PCDH15: variants seen among roughly 807,000 people sequenced by gnomAD.
The protein encoded by PCDH15 is protocadherin related 15.
A neutral mutation model predicts 178.5 loss-of-function variants in PCDH15; 129 were observed. That is an observed-to-expected ratio of 0.72 (90% CI 0.63 to 0.84). PCDH15 has a LOEUF of 0.84. PCDH15 is among the 40% of genes least tolerant of loss of function. The pLI is 0.00. For missense variants in PCDH15, 2,230 were observed against 2,099.9 expected (o/e 1.06, Z -1.21); for synonymous variants, 800 against 732.0 (o/e 1.09, Z -1.50).
intron 3 of PCDH15, among the ~76,000 whole-genome samples, chr10:54,394,333 C>T (rs1950929556): frequency 6.6e-6 from 1 of 152,044 alleles, no homozygotes; most frequent in African/African-American, 2.4e-5. Flanking sequence ...TCTGTTTTTC[C>T]TAAGCATCTG....
intron 21 of PCDH15, among the ~76,000 whole-genome samples, chr10:53,990,514 A>G (rs375686058): frequency 1.4e-5 from 2 of 146,616 alleles, no homozygotes; most frequent in Admixed American, 1.4e-4. Flanking sequence ...TATATGTTAT[A>G]TATATATATG....
chr10:54,818,371 C>T (rs1952981108), intron 3 of PCDH15, among the ~76,000 whole-genome samples: 1 of 152,072 alleles, frequency 6.6e-6, no homozygotes, highest in South Asian at 2.1e-4. Flanking sequence ...GTCCCCCTCA[C>T]AAATGTTCTT....
intron 2 of PCDH15, among the ~76,000 whole-genome samples, chr10:55,326,161 A>G (rs541709942): frequency 6.6e-6 from 1 of 152,262 alleles, no homozygotes; most frequent in South Asian, 2.1e-4. Context: ...CAGCCTTTAC[A>G]GAAATCAGTT....
chr10:54,638,533 C>A (rs2093914872), intron 2 of PCDH15, among the ~76,000 whole-genome samples: 1 of 151,960 alleles, frequency 6.6e-6, no homozygotes, highest in Non-Finnish European at 1.5e-5. Context: ...CAGATAAAAA[C>A]AATTTTAAAA....
At chr10:54,434,666 A>T (rs113063223) in intron 3 of PCDH15, among the ~76,000 whole-genome samples, 30 of 152,312 alleles carry the variant, frequency 2.0e-4, no homozygotes, top group African/African-American at 7.2e-4. Context: ...CATTTCTTAG[A>T]AACTATGCCT....
At chr10:54,600,165 C>T (rs1209592679) in intron 2 of PCDH15, 9 of 686,424 alleles carry the variant, frequency 1.3e-5, no homozygotes, top group Non-Finnish European at 2.1e-5. Flanking sequence ...AGGAGGAAGC[C>T]ATGGAGGAGG....
intron 2 of PCDH15, among the ~76,000 whole-genome samples, chr10:54,626,206 T>G (rs1245051944): frequency 1.3e-5 from 2 of 152,074 alleles, no homozygotes; most frequent in Non-Finnish European, 2.9e-5. Context: ...ATTCAGAAAT[T>G]TTGCAGCCTA....
intron 2 of PCDH15, among the ~76,000 whole-genome samples, chr10:54,905,019 A>C (rs552573285): frequency 2.0e-5 from 3 of 152,040 alleles, no homozygotes; most frequent in African/African-American, 4.8e-5. Flanking sequence ...ACACAACTAC[A>C]CTATGAAGCA....
At chr10:55,139,100 T>C (rs1235954253) in intron 2 of PCDH15, among the ~76,000 whole-genome samples, 2 of 152,068 alleles carry the variant, frequency 1.3e-5, no homozygotes, top group Non-Finnish European at 2.9e-5. Context: ...TTCAAGTTCT[T>C]ATCTGCCATA....
intron 1 of PCDH15, among the ~76,000 whole-genome samples, chr10:55,197,326 G>A (rs1326316488): frequency 6.6e-6 from 1 of 151,998 alleles, no homozygotes; most frequent in Non-Finnish European, 1.5e-5. Context: ...TCAATAAACA[G>A]CATCTTTTTG....
chr10:54,431,525 T>C (rs1956969339), intron 3 of PCDH15, among the ~76,000 whole-genome samples: 1 of 152,212 alleles, frequency 6.6e-6, no homozygotes, highest in Admixed American at 6.5e-5. Context: ...ATTCCATTGA[T>C]GTTGTAAAAG....
At chr10:54,799,141 TC>T (rs1952370246) in intron 1 of PCDH15, among the ~76,000 whole-genome samples, 1 of 152,160 alleles carries the variant, frequency 6.6e-6, no homozygotes, top group African/African-American at 2.4e-5. Flanking sequence ...TATAGTGATT[TC>T]CTTTGATAAA....
At position 54,191,751 on chromosome 10, in the gene PCDH15, C is replaced by CAA. The variant is rs10564694; in HGVS notation, c.1305+3930_1305+3931dup. ...TGAAACACTGTCTCTACAAAAAATG[C>CAA]AAAAAAAAAAAAAAAAAAAATTAGC... On this transcript the variant is annotated intron_variant, in intron 11 of 37. Coordinates refer to ENST00000644397, the MANE Select transcript of PCDH15 (RefSeq NM_001384140.1). Among the ~76,000 whole-genome samples the CAA allele has an allele frequency of 4.3e-3, 564 of 130,372 alleles. 5 individuals are homozygous for CAA. The highest frequency in any genetic ancestry group is 6.5e-3 in the African/African-American group (245 of 37,926). The allele number at this position is 130,372 out of a possible 152,430, so 85.5% of individuals were successfully genotyped here. A position where few individuals can be genotyped will look rare whatever the true frequency, so the allele number is the denominator to read the frequency against.
Position 55,519,710 on chromosome 10 carries a change from T to A in PCDH15, c.-156+107915A>T, listed in dbSNP as rs1046378552. ...TATTTAAAATGTATGATAGATTTTC[T>A]CCAAAATTTATTCCATTATGTGTAT... On this transcript the variant is annotated intron_variant, in intron 2 of 5. Coordinates refer to the PCDH15 transcript ENST00000613346. 2.7e-5 allele frequency among the ~76,000 whole-genome samples: 4 copies of A among 150,904 alleles called. No individual in the cohort carries two copies. In the South Asian group the frequency reaches 8.5e-4, roughly 32 times the overall value.
At chr10:53,847,170 T>A (rs2078029288) in intron 28 of PCDH15, among the ~76,000 whole-genome samples, 1 of 152,066 alleles carries the variant, frequency 6.6e-6, no homozygotes, top group Admixed American at 6.6e-5. Flanking sequence ...ACCCATTAAA[T>A]GCACAAAAAT....
intron 1 of PCDH15, among the ~76,000 whole-genome samples, chr10:54,695,690 G>A (rs2135864741): frequency 6.6e-6 from 1 of 152,192 alleles, no homozygotes; most frequent in Non-Finnish European, 1.5e-5. Flanking sequence ...ACTTTAAGTT[G>A]AGGCTGATAC....
At chr10:54,276,018 A>G (rs946409685) in intron 8 of PCDH15, among the ~76,000 whole-genome samples, 4 of 151,834 alleles carry the variant, frequency 2.6e-5, no homozygotes, top group Admixed American at 6.6e-5. Context: ...ACTTAAAAAC[A>G]TAATGCAAAA....
chr10:55,254,204 CT>C (rs1258436332), intron 1 of PCDH15, among the ~76,000 whole-genome samples: 1 of 152,114 alleles, frequency 6.6e-6, no homozygotes. Flanking sequence ...ATATGTATGT[CT>C]AAAACCAATA....
At chr10:53,865,061 A>G (rs2079356461) in intron 27 of PCDH15, among the ~76,000 whole-genome samples, 1 of 152,068 alleles carries the variant, frequency 6.6e-6, no homozygotes, top group Non-Finnish European at 1.5e-5. Context: ...TGATTACACC[A>G]CTGCACTTTG....
Sources: gnomAD v4.1 joint callset for allele counts (sites outside exome capture counted in the v4.1 genomes callset) on GRCh38, gnomAD v4.1.1 for gene constraint, MANE v1.5 for transcripts, NCBI Gene and HGNC (gene_info 2026-07-23, HGNC 2026-07-21) for gene names.